Variants in ZNF536 observed in about 807,000 individuals in gnomAD.
ZNF536 encodes the protein zinc finger protein 536.
A neutral mutation model predicts 84.5 loss-of-function variants in ZNF536; 13 were observed. The observed-to-expected ratio is 0.15, with a 90% CI of 0.10 to 0.24. The LOEUF (loss-of-function observed/expected upper bound fraction) is 0.24. Ranked by LOEUF, ZNF536 falls within the 10% of genes least tolerant of loss-of-function variation. The pLI is 1.00. For missense variants in ZNF536, 1,536 were observed against 1,747.5 expected (o/e 0.88, Z 2.16); for synonymous variants, 811 against 742.5 (o/e 1.09, Z -1.50).
intron 1 of ZNF536, among the ~76,000 whole-genome samples, chr19:30,425,454 T>C (rs1169812398): frequency 6.6e-6 from 1 of 152,116 alleles, no homozygotes; most frequent in Non-Finnish European, 1.5e-5. Context: ...TCAGTGCAAA[T>C]ATGTAAATGG....
intron 2 of ZNF536, among the ~76,000 whole-genome samples, chr19:30,303,727 T>A (rs996573153): frequency 1.3e-5 from 2 of 152,112 alleles, no homozygotes; most frequent in Admixed American, 1.3e-4. Context: ...GGTCTCTAAG[T>A]CCTGATCCAC....
At chr19:30,328,259 T>C (rs2047100429) in intron 2 of ZNF536, among the ~76,000 whole-genome samples, 1 of 152,180 alleles carries the variant, frequency 6.6e-6, no homozygotes, top group Non-Finnish European at 1.5e-5. Context: ...GAGAAAGACT[T>C]GGGCCTCCAG....
In ZNF536 at chr19:30,347,621, T is replaced by C. The variant is rs1329285179; in HGVS notation, c.-119-4747T>C. Among the ~76,000 whole-genome samples, 6 of 152,302 alleles carry C rather than the reference T, an allele frequency of 3.9e-5. No homozygotes were observed. In the East Asian group the frequency reaches 1.2e-3, roughly 29 times the overall value. On this transcript the variant is annotated intron_variant, in intron 2 of 5. Transcript: ENST00000585628. Reference sequence around the variant, plus strand: ...CTACTGGGCTCTGGTCCAGGGTCTGTGCTCTCAGCCACTGCGGCCCCTGCT... The same window carrying C: ...CTACTGGGCTCTGGTCCAGGGTCTGCGCTCTCAGCCACTGCGGCCCCTGCT...
chr19:30,274,340 G>A (rs1600007908), intron 1 of ZNF536, among the ~76,000 whole-genome samples: 1 of 152,178 alleles, frequency 6.6e-6, no homozygotes, highest in African/African-American at 2.4e-5. Flanking sequence ...ACAAGTACAA[G>A]TCATGCATGC....
intron 1 of ZNF536, among the ~76,000 whole-genome samples, chr19:30,236,121 C>T (rs972170268): frequency 5.3e-5 from 8 of 152,214 alleles, no homozygotes; most frequent in East Asian, 3.8e-4. Flanking sequence ...GGAAGAAAAG[C>T]GGCCACATGC....
intron 1 of ZNF536, among the ~76,000 whole-genome samples, chr19:30,636,140 C>G (rs563021742): frequency 5.8e-4 from 88 of 152,328 alleles, no homozygotes; most frequent in African/African-American, 1.9e-3. Context: ...CATCCCTTCA[C>G]AATGGTGGTC....
In ZNF536 at chr19:30,653,107, A is replaced by T. The variant is rs566673466; in HGVS notation, c.170-57650A>T. Among the ~76,000 whole-genome samples, 8 of 152,298 alleles carry T rather than the reference A, an allele frequency of 5.3e-5. No homozygotes were observed. In the East Asian group the frequency reaches 1.5e-3, roughly 29 times the overall value. Reference sequence around the variant, plus strand: ...CATTTCCAAGTCCTGGAGAGGAGAGAGGGTTTCACCATGCTTGACTCTTTT... The same window carrying T: ...CATTTCCAAGTCCTGGAGAGGAGAGTGGGTTTCACCATGCTTGACTCTTTT... On this transcript the variant is annotated intron_variant, in intron 1 of 1. Coordinates refer to the ZNF536 transcript ENST00000592773.
At chr19:30,395,999 T>C (rs548430578) in intron 1 of ZNF536, among the ~76,000 whole-genome samples, 1 of 152,296 alleles carries the variant, frequency 6.6e-6, no homozygotes, top group East Asian at 1.9e-4. Context: ...CCGAAGTCCA[T>C]GTTTACATTA....
intron 1 of ZNF536, among the ~76,000 whole-genome samples, chr19:30,661,652 A>G (rs1600185900): frequency 2.0e-5 from 3 of 152,336 alleles, no homozygotes; most frequent in Non-Finnish European, 2.9e-5. Flanking sequence ...CACATCCTTT[A>G]TAATGAGGGG....
chr19:30,604,371 T>C (rs1450976096), intron 1 of ZNF536, among the ~76,000 whole-genome samples: 1 of 152,248 alleles, frequency 6.6e-6, no homozygotes, highest in Non-Finnish European at 1.5e-5. Context: ...GGAAACATTT[T>C]GAAGTCTATA....
At chr19:30,384,302 TCCCCTCCCCTCCCTTCCCC>T (rs2049239997) in intron 1 of ZNF536, among the ~76,000 whole-genome samples, 1 of 3,534 alleles carries the variant, frequency 2.8e-4, no homozygotes, top group African/African-American at 9.6e-4. Context: ...TTCCTTCCCC[TCCCCTCCCCTCCCTTCCCC>T]TCCCCTCCCC....
intron 1 of ZNF536, among the ~76,000 whole-genome samples, chr19:30,606,732 C>T (rs563601812): frequency 6.6e-6 from 1 of 152,244 alleles, no homozygotes; most frequent in South Asian, 2.1e-4. Flanking sequence ...AGAGTCTGGG[C>T]TCTGCAGACC....
At chr19:30,262,649 C>T (rs757589342) in intron 1 of ZNF536, among the ~76,000 whole-genome samples, 1 of 152,116 alleles carries the variant, frequency 6.6e-6, no homozygotes, top group Non-Finnish European at 1.5e-5. Flanking sequence ...GCTATGGCAT[C>T]CTTGGGTGGC....
chr19:30,538,536 G>T (rs1426661806), intron 3 of ZNF536, among the ~76,000 whole-genome samples: 2 of 152,172 alleles, frequency 1.3e-5, no homozygotes, highest in African/African-American at 4.8e-5. Context: ...CAGTCAGGTT[G>T]TTCTGAACAT....
intron 1 of ZNF536, among the ~76,000 whole-genome samples, chr19:30,666,772 A>AAT (rs2050336318): frequency 6.6e-6 from 1 of 151,320 alleles, no homozygotes; most frequent in Non-Finnish European, 1.5e-5. Context: ...ATACACACAA[A>AAT]ATATATATAT....
chr19:30,433,145 T>G (rs530885744), intron 1 of ZNF536, among the ~76,000 whole-genome samples: 1 of 152,312 alleles, frequency 6.6e-6, no homozygotes, highest in Non-Finnish European at 1.5e-5. Context: ...GCTGATCCCT[T>G]GGGCACATGT....
At chr19:30,576,629 C>A (rs2046747188) in intron 1 of ZNF536, among the ~76,000 whole-genome samples, 1 of 152,184 alleles carries the variant, frequency 6.6e-6, no homozygotes, top group Non-Finnish European at 1.5e-5. Context: ...TCATGGGGAC[C>A]CACTGCCATG....
At chr19:30,649,060 C>T (rs1043863177) in intron 1 of ZNF536, among the ~76,000 whole-genome samples, 1 of 152,164 alleles carries the variant, frequency 6.6e-6, no homozygotes, top group African/African-American at 2.4e-5. Context: ...CATAGTTAAC[C>T]AGGATCAACC....
At chr19:30,254,129 T>C (rs138679336) in intron 1 of ZNF536, among the ~76,000 whole-genome samples, 1 of 152,328 alleles carries the variant, frequency 6.6e-6, no homozygotes, top group Non-Finnish European at 1.5e-5. Context: ...GAATGTTAAA[T>C]ACTTAGTGAA....
Sources: gnomAD v4.1 joint callset for allele counts (sites outside exome capture counted in the v4.1 genomes callset) on GRCh38, gnomAD v4.1.1 for gene constraint, MANE v1.5 for transcripts, NCBI Gene and HGNC (gene_info 2026-07-23, HGNC 2026-07-21) for gene names.